Variants in KCNIP4 observed in about 807,000 individuals in gnomAD.
KCNIP4 encodes potassium voltage-gated channel interacting protein 4.
Under a neutral mutation model 34.0 loss-of-function variants are expected in KCNIP4, and 12 were observed. That is an observed-to-expected ratio of 0.35 (90% CI 0.23 to 0.57). The LOEUF (loss-of-function observed/expected upper bound fraction) is 0.57, where lower values mean the gene tolerates loss of function less well. Among genes scored for constraint, KCNIP4 ranks in the 20% least tolerant of loss-of-function variants. The pLI, the probability that KCNIP4 is intolerant of heterozygous loss-of-function variation, is 0.83. For missense variants in KCNIP4, 238 were observed against 311.7 expected, an observed-to-expected ratio of 0.76 and a Z score of 1.78; for synonymous variants, 124 against 102.2, an observed-to-expected ratio of 1.21 and a Z score of -1.29.
intron 1 of KCNIP4, among the ~76,000 whole-genome samples, chr4:21,494,394 C>G (rs1732668017): frequency 6.6e-6 from 1 of 151,998 alleles, no homozygotes. Flanking sequence ...AGATCTAATG[C>G]AAGACTGCAC....
chr4:21,543,590 T>G (rs1451699520), intron 1 of KCNIP4, among the ~76,000 whole-genome samples: 2 of 152,180 alleles, frequency 1.3e-5, no homozygotes, highest in African/African-American at 2.4e-5. Flanking sequence ...ATATGTCAGC[T>G]GTGAAAATAA....
At chr4:20,731,569 A>G in intron 8 of KCNIP4, 1 of 985,404 alleles carries the variant, frequency 1.0e-6, no homozygotes, top group Non-Finnish European at 1.2e-6. Flanking sequence ...CACTAAAACA[A>G]TGACTTTTCT....
intron 1 of KCNIP4, among the ~76,000 whole-genome samples, chr4:21,804,269 T>C (rs1296952969): frequency 1.3e-5 from 2 of 152,236 alleles, no homozygotes; most frequent in Non-Finnish European, 2.9e-5. Context: ...CACATGGTCA[T>C]TTTCATGGCT....
At position 21,738,349 on chromosome 4, in the gene KCNIP4, C is replaced by A. The variant is rs186975701; in HGVS notation, c.61+210222G>T. 8.7e-3 allele frequency among the ~76,000 whole-genome samples: 1,330 copies of A among 152,124 alleles called. 19 individuals are homozygous for A. Among genetic ancestry groups the A allele is most frequent in the South Asian group, 0.039 (188 of 4,814 alleles). On this transcript the variant is annotated intron_variant, in intron 1 of 8. Transcript: ENST00000382152. Reference sequence around the variant, plus strand: ...AAATGAAATGACCTGATCATCCATTCAAGGCAACTGGAAGAGGGATTAGAG... The same window carrying A: ...AAATGAAATGACCTGATCATCCATTAAAGGCAACTGGAAGAGGGATTAGAG...
At chr4:21,455,807 TCATATA>T (rs1470872303) in intron 1 of KCNIP4, among the ~76,000 whole-genome samples, 1 of 28,868 alleles carries the variant, frequency 3.5e-5, no homozygotes, top group African/African-American at 1.6e-4. Context: ...TTACAGATAT[TCATATA>T]TATATATATA....
chr4:20,864,703 C>G (rs1170090412), intron 2 of KCNIP4, among the ~76,000 whole-genome samples: 1 of 152,062 alleles, frequency 6.6e-6, no homozygotes, highest in Non-Finnish European at 1.5e-5. Context: ...AAATGGAACT[C>G]TGTGAGAATT....
At chr4:21,683,600 C>G (rs927730627) in intron 1 of KCNIP4, among the ~76,000 whole-genome samples, 1 of 151,256 alleles carries the variant, frequency 6.6e-6, no homozygotes, top group Non-Finnish European at 1.5e-5. Context: ...TCCCAAATAG[C>G]TGGGACTACA....
chr4:20,778,455 A>G (rs1274947352), intron 3 of KCNIP4, among the ~76,000 whole-genome samples: 17 of 152,332 alleles, frequency 1.1e-4, no homozygotes, highest in Non-Finnish European at 2.4e-4. Flanking sequence ...AATGAAATGT[A>G]GTTTTGACAC....
intron 1 of KCNIP4, among the ~76,000 whole-genome samples, chr4:21,034,488 G>T (rs1460074087): frequency 6.6e-6 from 1 of 152,158 alleles, no homozygotes; most frequent in African/African-American, 2.4e-5. Flanking sequence ...CTTCAGCCAA[G>T]ATCTCTAATG....
chr4:21,901,764 T>C (rs531025886), intron 1 of KCNIP4, among the ~76,000 whole-genome samples: 4 of 152,252 alleles, frequency 2.6e-5, no homozygotes, highest in Non-Finnish European at 4.4e-5. Context: ...CCACAAACTT[T>C]GTTTTCATAC....
chr4:21,247,982 TACACAC>T lies in KCNIP4; in HGVS notation c.62-365279_62-365274del, dbSNP rs571498756. Among the ~76,000 whole-genome samples, 15 of 105,090 alleles carry T rather than the reference TACACAC, an allele frequency of 1.4e-4. No homozygotes were observed. In the South Asian group the frequency reaches 4.8e-3, roughly 33 times the overall value. 68.9% of individuals were successfully genotyped at this position (105,090 alleles called of 152,430 possible). ...ATATATATACACACACATATATATA[TACACAC>T]ACACACACACACACACCCCCCACAG... On this transcript the variant is annotated intron_variant, in intron 1 of 8. Coordinates refer to ENST00000382152, the MANE Select transcript of KCNIP4 (RefSeq NM_025221.6).
At chr4:21,670,548 G>A (rs1205387748) in intron 1 of KCNIP4, among the ~76,000 whole-genome samples, 5 of 151,924 alleles carry the variant, frequency 3.3e-5, no homozygotes, top group Admixed American at 1.3e-4. Context: ...ATGTGCACAT[G>A]TACCCTAAAA....
At chr4:20,792,326 T>C (rs1258251200) in intron 3 of KCNIP4, among the ~76,000 whole-genome samples, 2 of 151,800 alleles carry the variant, frequency 1.3e-5, no homozygotes, top group African/African-American at 2.4e-5. Flanking sequence ...TGAACCGAGA[T>C]TGCACTCCAG....
intron 1 of KCNIP4, among the ~76,000 whole-genome samples, chr4:21,647,864 T>A (rs996449038): frequency 2.4e-5 from 1 of 42,434 alleles, no homozygotes; most frequent in Non-Finnish European, 3.5e-5. Flanking sequence ...ACAATGATGC[T>A]TTTTTTTTTT....
At position 20,729,319 on chromosome 4, in the gene KCNIP4, GATACTAATGATTGATAC is replaced by G. The variant is rs1217500995; in HGVS notation, c.*746_*762del. On this transcript the variant is annotated 3_prime_UTR_variant, in exon 9 of 9. Coordinates refer to ENST00000382152, the MANE Select transcript of KCNIP4 (RefSeq NM_025221.6). Reference sequence around the variant, plus strand: ...CTTCTTCAACTTCCACTTAATGATTGATACTAATGATTGATACAATAGAAAACAGCCTGTAAGAAAGA... The same window carrying G: ...CTTCTTCAACTTCCACTTAATGATTGAATAGAAAACAGCCTGTAAGAAAGA... The G allele has an allele frequency of 1.3e-5, 2 of 151,254 alleles. No homozygotes were observed. The highest frequency in any genetic ancestry group is 1.3e-4 in the Admixed American group (2 of 14,996). The allele number at this position is 151,254 out of a possible 1,614,324, so 9.4% of individuals were successfully genotyped here. A position where few individuals can be genotyped will look rare whatever the true frequency, so the allele number is the denominator to read the frequency against.
chr4:21,395,207 A>G (rs539959673), intron 1 of KCNIP4, among the ~76,000 whole-genome samples: 9 of 152,110 alleles, frequency 5.9e-5, no homozygotes, highest in South Asian at 4.1e-4. Flanking sequence ...GGCTTCCATA[A>G]ATCCCTTTAG....
At chr4:21,757,272 GAAAAGAAAAGAAAAGAGAAA>G (rs1717722218) in intron 1 of KCNIP4, among the ~76,000 whole-genome samples, 3 of 79,558 alleles carry the variant, frequency 3.8e-5, no homozygotes, top group Non-Finnish European at 7.8e-5. Context: ...GAAAAGAAAA[GAAAAGAAAAGAAAAGAGAAA>G]AGAAAAGAAA....
At chr4:21,936,499 T>C (rs949546765) in intron 1 of KCNIP4, among the ~76,000 whole-genome samples, 2 of 152,038 alleles carry the variant, frequency 1.3e-5, no homozygotes, top group African/African-American at 2.4e-5. Context: ...AACAGACTAA[T>C]ACAAGAGGCA....
intron 1 of KCNIP4, among the ~76,000 whole-genome samples, chr4:21,025,936 T>C (rs531052333): frequency 1.3e-5 from 2 of 152,278 alleles, no homozygotes; most frequent in South Asian, 4.1e-4. Context: ...TAGATTAGGC[T>C]TCAGTGATAT....
Sources: allele counts gnomAD v4.1 joint callset (sites outside exome capture counted in the v4.1 genomes callset), GRCh38; gene constraint gnomAD v4.1.1; transcripts MANE v1.5; gene names NCBI Gene and HGNC (gene_info 2026-07-23, HGNC 2026-07-21).